Variants in SLIT3 observed in about 807,000 individuals in gnomAD.
SLIT3 encodes slit guidance ligand 3.
A neutral mutation model predicts 184.0 loss-of-function variants in SLIT3; 68 were observed. That is an observed-to-expected ratio of 0.37 (90% CI 0.30 to 0.45). The LOEUF (loss-of-function observed/expected upper bound fraction) is 0.45. Among genes scored for constraint, SLIT3 ranks in the 20% least tolerant of loss-of-function variants. SLIT3 has a pLI of 1.00. For missense variants in SLIT3, 1,707 were observed against 2,026.0 expected (o/e 0.84, Z 3.02); for synonymous variants, 831 against 828.6 (o/e 1.00, Z -0.05).
intron 4 of SLIT3, among the ~76,000 whole-genome samples, chr5:169,144,584 G>A (rs542699733): frequency 1.3e-5 from 2 of 152,300 alleles, no homozygotes; most frequent in African/African-American, 4.8e-5. Context: ...ATGATGGAAG[G>A]TGTGTTTAGA....
intron 4 of SLIT3, among the ~76,000 whole-genome samples, chr5:168,961,983 C>G (rs1429497908): frequency 6.6e-6 from 1 of 152,008 alleles, no homozygotes; most frequent in African/African-American, 2.4e-5. Flanking sequence ...GGTGTTGTGA[C>G]TGAGTCACAG....
intron 4 of SLIT3, among the ~76,000 whole-genome samples, chr5:169,166,201 T>C (rs1427219438): frequency 6.6e-6 from 1 of 152,192 alleles, no homozygotes; most frequent in Non-Finnish European, 1.5e-5. Context: ...TTTTTAGCCG[T>C]CTTTGCCATG....
chr5:168,741,206 C>T (rs1419912308), intron 20 of SLIT3, among the ~76,000 whole-genome samples: 1 of 152,216 alleles, frequency 6.6e-6, no homozygotes, highest in African/African-American at 2.4e-5. Context: ...CACGGAGGCT[C>T]ATGCCTGTAA....
chr5:169,269,978 C>T (rs944790005), intron 1 of SLIT3, among the ~76,000 whole-genome samples: 3 of 152,158 alleles, frequency 2.0e-5, no homozygotes, highest in African/African-American at 7.2e-5. Flanking sequence ...TTACAAATCA[C>T]GTTCTGTAGG....
At chr5:168,802,690 G>A (rs528365342) in intron 9 of SLIT3, among the ~76,000 whole-genome samples, 2 of 152,262 alleles carry the variant, frequency 1.3e-5, no homozygotes, top group East Asian at 3.9e-4. Context: ...TTTTGTGTAG[G>A]TAGCTCCAGC....
intron 7 of SLIT3, among the ~76,000 whole-genome samples, chr5:168,819,370 G>A (rs935908293): frequency 2.6e-5 from 4 of 152,242 alleles, no homozygotes; most frequent in Non-Finnish European, 5.9e-5. Flanking sequence ...CAAGGAACAC[G>A]GCAACAGTAG....
chr5:169,268,415 C>T (rs538196802), intron 1 of SLIT3, among the ~76,000 whole-genome samples: 1 of 152,350 alleles, frequency 6.6e-6, no homozygotes, highest in African/African-American at 2.4e-5. Context: ...CATTTTCCTG[C>T]CTGTCTTTCC....
At chr5:169,151,183 C>A (rs938659550) in intron 4 of SLIT3, among the ~76,000 whole-genome samples, 2 of 152,178 alleles carry the variant, frequency 1.3e-5, no homozygotes, top group African/African-American at 4.8e-5. Flanking sequence ...TCCCACTGAG[C>A]AAGTGATTCC....
At chr5:169,259,313 C>A (rs1304233688) in intron 1 of SLIT3, among the ~76,000 whole-genome samples, 1 of 152,202 alleles carries the variant, frequency 6.6e-6, no homozygotes, top group African/African-American at 2.4e-5. Context: ...ACCGCCTCAG[C>A]CTCCCAAAGT....
intron 4 of SLIT3, among the ~76,000 whole-genome samples, chr5:169,028,834 G>A (rs1371150984): frequency 6.6e-6 from 1 of 152,196 alleles, no homozygotes; most frequent in Non-Finnish European, 1.5e-5. Flanking sequence ...CCCAAAATGT[G>A]TTGATTCCAC....
At chr5:169,151,613 G>C (rs1762119632) in intron 4 of SLIT3, among the ~76,000 whole-genome samples, 1 of 152,190 alleles carries the variant, frequency 6.6e-6, no homozygotes, top group Non-Finnish European at 1.5e-5. Context: ...TGGCATCAAT[G>C]TCATCTTTCT....
intron 1 of SLIT3, among the ~76,000 whole-genome samples, chr5:169,253,397 G>T (rs185504140): frequency 2.0e-5 from 3 of 152,116 alleles, no homozygotes; most frequent in South Asian, 4.2e-4. Flanking sequence ...AGGATGTGGC[G>T]GGGGGCAGAA....
At chr5:169,008,546 T>C (rs1377851288) in intron 4 of SLIT3, among the ~76,000 whole-genome samples, 2 of 152,196 alleles carry the variant, frequency 1.3e-5, no homozygotes, top group Admixed American at 6.5e-5. Context: ...CACCTTTCTA[T>C]TGAGAAAGAG....
At chr5:168,854,044 C>A (rs1041271949) in intron 5 of SLIT3, among the ~76,000 whole-genome samples, 16 of 152,052 alleles carry the variant, frequency 1.1e-4, no homozygotes, top group Non-Finnish European at 2.4e-4. Flanking sequence ...AGGAGAAAAC[C>A]GAGGTTCAGA....
chr5:168,801,755 G>A (rs994367557), intron 9 of SLIT3, among the ~76,000 whole-genome samples: 1 of 152,186 alleles, frequency 6.6e-6, no homozygotes, highest in African/African-American at 2.4e-5. Context: ...CAGTGAGAAC[G>A]GTGCCATCGG....
chr5:169,082,292 C>T (rs191402519), intron 4 of SLIT3, among the ~76,000 whole-genome samples: 1 of 152,186 alleles, frequency 6.6e-6, no homozygotes, highest in Non-Finnish European at 1.5e-5. Flanking sequence ...TGAAGACACA[C>T]GGCTCATATA....
At chr5:169,050,056 G>A (rs753045773) in intron 4 of SLIT3, among the ~76,000 whole-genome samples, 1 of 152,130 alleles carries the variant, frequency 6.6e-6, no homozygotes, top group Non-Finnish European at 1.5e-5. Flanking sequence ...TCCAGAAAGA[G>A]AGATAAAAGA....
chr5:169,031,365 C>T (rs934072182), intron 4 of SLIT3, among the ~76,000 whole-genome samples: 81 of 152,182 alleles, frequency 5.3e-4, no homozygotes, highest in Non-Finnish European at 3.1e-4. Context: ...GATTTCACCT[C>T]TACCCTCATA....
chr5:169,117,837 A>G lies in SLIT3; in HGVS notation c.413+75642T>C, dbSNP rs573641890. On this transcript the variant is annotated intron_variant, in intron 4 of 35. Transcript: ENST00000519560. The stretch of plus-strand genomic sequence containing the variant: ...TCAGAAGTAGATTGAAGAAATTTGA[A>G]AACTCTAGGTTCTCTCCTTGGCCCT... Among the ~76,000 whole-genome samples the G allele has an allele frequency of 1.9e-3, 293 of 152,302 alleles. 1 individual carries two copies. Among genetic ancestry groups the G allele is most frequent in the African/African-American group, 6.8e-3 (283 of 41,562 alleles).
Sources: gnomAD v4.1 joint callset for allele counts (sites outside exome capture counted in the v4.1 genomes callset) on GRCh38, gnomAD v4.1.1 for gene constraint, MANE v1.5 for transcripts, NCBI Gene and HGNC (gene_info 2026-07-23, HGNC 2026-07-21) for gene names.